Variants in FRMPD4 observed in about 807,000 individuals in gnomAD.
FRMPD4 encodes the protein FERM and PDZ domain-containing protein 4.
In FRMPD4, 22 loss-of-function variants were observed where a neutral mutation model predicts 94.1. The ratio of observed to expected loss-of-function variants is 0.23; its 90% CI spans 0.17 to 0.33. The LOEUF (loss-of-function observed/expected upper bound fraction) is 0.33, where lower values mean the gene tolerates loss of function less well. FRMPD4 is among the 10% of genes least tolerant of loss of function. The probability of loss-of-function intolerance (pLI) is 1.00; values close to 1 mark genes in which losing one functional copy is unlikely to be tolerated. For synonymous variants in FRMPD4, 631 were observed against 548.6 expected (o/e 1.15, Z -2.10); for missense variants, 1,111 against 1,339.9 (o/e 0.83, Z 2.67).
chrX:12,433,255 T>C (rs908905836), intron 1 of FRMPD4, among the ~76,000 whole-genome samples: 3 of 112,103 alleles, frequency 2.7e-5, no homozygotes, highest in African/African-American at 6.5e-5. Context: ...AGGAGATGAA[T>C]AGGATTAAGC....
At chrX:12,106,698 C>T (rs928449700) in intron 3 of FRMPD4, among the ~76,000 whole-genome samples, 4 of 111,726 alleles carry the variant, frequency 3.6e-5, no homozygotes, top group African/African-American at 1.3e-4. Context: ...GGGTCACTCC[C>T]ACCCTAATAC....
At chrX:12,698,380 T>C (rs1465663382) in intron 9 of FRMPD4, among the ~76,000 whole-genome samples, 1 of 111,603 alleles carries the variant, frequency 9.0e-6, no homozygotes, top group Non-Finnish European at 1.9e-5. Context: ...AAAAGACTGT[T>C]ATGTCAATTA....
intron 4 of FRMPD4, among the ~76,000 whole-genome samples, chrX:12,667,954 C>T (rs904964692): frequency 1.8e-5 from 2 of 111,839 alleles, no homozygotes; most frequent in African/African-American, 6.5e-5. Context: ...ATTGTCACAG[C>T]AATTTGAAAT....
At chrX:12,332,030 ATATTTATATACTATATATAAATTATATG>A (rs2055422338) in intron 1 of FRMPD4, among the ~76,000 whole-genome samples, 4 of 68,993 alleles carry the variant, frequency 5.8e-5, no homozygotes, top group Admixed American at 4.6e-4. Context: ...TAAATTATAT[ATATTTATATACTATATATAAATTATATG>A]TAATATATAA....
intron 1 of FRMPD4, among the ~76,000 whole-genome samples, chrX:11,835,375 T>C (rs1415364568): frequency 8.9e-6 from 1 of 112,234 alleles, no homozygotes; most frequent in Non-Finnish European, 1.9e-5. Flanking sequence ...TATCAGGCTT[T>C]CTCTCCCTCC....
chrX:11,827,764 GC>G (rs2053452872), intron 1 of FRMPD4, among the ~76,000 whole-genome samples: 1 of 111,910 alleles, frequency 8.9e-6, no homozygotes, highest in Non-Finnish European at 1.9e-5. Flanking sequence ...TAATGAAAAT[GC>G]CAAAAGAGCT....
chrX:11,986,228 A>G (rs1357418101), intron 3 of FRMPD4, among the ~76,000 whole-genome samples: 1 of 112,647 alleles, frequency 8.9e-6, no homozygotes, highest in Non-Finnish European at 1.9e-5. Context: ...GGGAGAAAGT[A>G]AGGGGAGAGA....
At position 12,716,170 on chromosome X, in the gene FRMPD4, A is replaced by G. The variant is rs1325261150; in HGVS notation, c.1711A>G (p.Thr571Ala). The change falls in exon 15 of 17, where the codon ACA becomes GCA. Residue 571 changes from threonine to alanine, a missense_variant. By Grantham distance (58) the Thr-to-Ala change is moderately conservative. Coordinates refer to ENST00000675598, the MANE Select transcript of FRMPD4 (RefSeq NM_001368397.1). ...CGAAGGGGAACAAGAAGCCCAGATA[A>G]CATACATAGATTCAAAGCAGAAGAC... is the stretch of plus-strand genomic sequence containing the variant. Reference protein sequence around the residue: ...IGEGEQEAQITYIDSKQKTVE... With the variant: ...IGEGEQEAQIAYIDSKQKTVE... 1 of 1,203,478 alleles carries G rather than the reference A, an allele frequency of 8.3e-7. No homozygotes were observed. Among genetic ancestry groups the G allele is most frequent in the Non-Finnish European group, 1.1e-6 (1 of 889,645 alleles).
chrX:12,204,601 T>C (rs903011571), intron 1 of FRMPD4, among the ~76,000 whole-genome samples: 5 of 111,272 alleles, frequency 4.5e-5, no homozygotes, highest in Non-Finnish European at 9.4e-5. Context: ...CTCCTTCCCA[T>C]ATCCTGAGAG....
intron 1 of FRMPD4, among the ~76,000 whole-genome samples, chrX:12,171,748 T>G (rs905929296): frequency 8.9e-6 from 1 of 112,069 alleles, no homozygotes; most frequent in African/African-American, 3.2e-5. Flanking sequence ...TAAAGGAAAC[T>G]CAGAGGTTTC....
intron 3 of FRMPD4, among the ~76,000 whole-genome samples, chrX:12,083,882 C>T (rs1260719389): frequency 8.9e-6 from 1 of 112,035 alleles, no homozygotes. Flanking sequence ...GTATCAAATG[C>T]CTGTACCCCC....
chrX:11,991,989 G>C (rs187226152), intron 3 of FRMPD4, among the ~76,000 whole-genome samples: 1 of 111,833 alleles, frequency 8.9e-6, no homozygotes, highest in East Asian at 2.8e-4. Context: ...TTTATTGCAA[G>C]TGCACTCACA....
intron 1 of FRMPD4, among the ~76,000 whole-genome samples, chrX:12,257,719 G>GA (rs1216884710): frequency 9.0e-6 from 1 of 111,202 alleles, no homozygotes; most frequent in South Asian, 3.8e-4. Flanking sequence ...TTCCTCAACT[G>GA]AAAAAATGAA....
At chrX:12,185,595 C>T (rs1407666637) in intron 1 of FRMPD4, among the ~76,000 whole-genome samples, 1 of 109,041 alleles carries the variant, frequency 9.2e-6, no homozygotes, top group Non-Finnish European at 1.9e-5. Flanking sequence ...TTTCCATTGC[C>T]TTACTCCCAC....
chrX:12,718,089 A>G lies in FRMPD4; in HGVS notation c.3263A>G (p.Lys1088Arg), dbSNP rs1403262900. 1 of 1,211,044 alleles carries G rather than the reference A, an allele frequency of 8.3e-7. No homozygotes were observed. Among genetic ancestry groups the G allele is most frequent in the Admixed American group, 2.2e-5 (1 of 46,105 alleles). The stretch of plus-strand genomic sequence containing the variant: ...AATCTGGAGAGAACTGCCTTTCGCA[A>G]GGACAGTCAAAGATGGTATGTGGCC... Reference protein sequence around the residue: ...TFNLERTAFRKDSQRWYVATE... With the variant: ...TFNLERTAFRRDSQRWYVATE... Residue 1088 changes from lysine to arginine, a missense_variant, in exon 16 of 17, where the codon AAG becomes AGG. Around this residue, in one of 8 missense-constraint regions of FRMPD4, gnomAD observed 551 missense variants for 591.6 expected, o/e 0.93. Coordinates refer to ENST00000675598, the MANE Select transcript of FRMPD4 (RefSeq NM_001368397.1).
chrX:12,161,339 A>G (rs1164608450), intron 1 of FRMPD4, among the ~76,000 whole-genome samples: 1 of 111,299 alleles, frequency 9.0e-6, no homozygotes, highest in Non-Finnish European at 1.9e-5. Context: ...TTGTATTTTT[A>G]GTAGAGATGG....
intron 1 of FRMPD4, among the ~76,000 whole-genome samples, chrX:12,320,299 G>A (rs1441573483): frequency 9.0e-6 from 1 of 111,259 alleles, no homozygotes; most frequent in East Asian, 2.8e-4. Flanking sequence ...GCAAAAAGAG[G>A]ACAGGGGACT....
chrX:12,042,819 C>T (rs2054764055), intron 3 of FRMPD4, among the ~76,000 whole-genome samples: 1 of 111,890 alleles, frequency 8.9e-6, no homozygotes, highest in South Asian at 3.7e-4. Flanking sequence ...CTAGCAAGAC[C>T]GTGGGTTTCT....
Position 12,138,844 on chromosome X carries a change from C to T in FRMPD4, c.-128C>T. On this transcript the variant is annotated 5_prime_UTR_variant, in exon 1 of 17. Coordinates refer to ENST00000675598, the MANE Select transcript of FRMPD4 (RefSeq NM_001368397.1). ...GCAGGTTCTCTCCGGCCGCCGCCGC[C>T]ACCCGCTGTCGCCGCGACTCGAGCC... 3.9e-6 allele frequency: 2 copies of T among 512,154 alleles called. No individual in the cohort carries two copies. The highest frequency in any genetic ancestry group is 5.9e-6 in the Non-Finnish European group (2 of 340,240). The allele number at this position is 512,154 out of a possible 1,213,427, so 42.2% of individuals were successfully genotyped here. A position where few individuals can be genotyped will look rare whatever the true frequency, so the allele number is the denominator to read the frequency against.
Sources: allele counts gnomAD v4.1 joint callset (sites outside exome capture counted in the v4.1 genomes callset), GRCh38; gene constraint gnomAD v4.1.1; regional missense constraint gnomAD v4.1.1; transcripts MANE v1.5; gene names NCBI Gene and HGNC (gene_info 2026-07-23, HGNC 2026-07-21).